Variants in CADM2 observed in about 807,000 individuals in gnomAD.
CADM2 encodes immunoglobulin superfamily member 4D.
CADM2 carries 12 observed loss-of-function variants against 49.8 expected under a neutral mutation model. The observed-to-expected ratio is 0.24, with a 90% CI of 0.15 to 0.39. The LOEUF is 0.39. CADM2 is among the 10% of genes least tolerant of loss of function. The probability of loss-of-function intolerance (pLI) is 1.00; values close to 1 mark genes in which losing one functional copy is unlikely to be tolerated. For synonymous variants in CADM2, 214 were observed against 175.4 expected (o/e 1.22, Z -1.74); for missense variants, 378 against 492.3 (o/e 0.77, Z 2.20).
At chr3:85,571,409 GT>G (rs569833454) in intron 1 of CADM2, among the ~76,000 whole-genome samples, 45 of 148,742 alleles carry the variant, frequency 3.0e-4, no homozygotes, top group African/African-American at 9.9e-4. Flanking sequence ...TTGTCCAGAT[GT>G]TTTTTTTTTC....
At chr3:85,128,250 C>T (rs548740433) in intron 1 of CADM2, among the ~76,000 whole-genome samples, 1 of 152,200 alleles carries the variant, frequency 6.6e-6, no homozygotes, top group South Asian at 2.1e-4. Flanking sequence ...TCAGCTGCGC[C>T]CAGGAACATG....
chr3:85,269,201 A>C (rs1170295068), intron 1 of CADM2, among the ~76,000 whole-genome samples: 1 of 151,450 alleles, frequency 6.6e-6, no homozygotes, highest in Non-Finnish European at 1.5e-5. Flanking sequence ...TTCTAATAAT[A>C]AAAAATAATT....
intron 1 of CADM2, among the ~76,000 whole-genome samples, chr3:85,134,394 C>T (rs1023125233): frequency 1.3e-5 from 2 of 152,360 alleles, no homozygotes; most frequent in African/African-American, 2.4e-5. Flanking sequence ...GAGCGAGGGC[C>T]GTGGGGACTG....
intron 1 of CADM2, among the ~76,000 whole-genome samples, chr3:85,004,295 C>T (rs1221789331): frequency 6.6e-6 from 1 of 152,108 alleles, no homozygotes; most frequent in Non-Finnish European, 1.5e-5. Flanking sequence ...TTCTACACAT[C>T]TGTTCGAGTA....
At chr3:85,649,342 TTAAA>T (rs2064979096) in intron 1 of CADM2, among the ~76,000 whole-genome samples, 1 of 152,168 alleles carries the variant, frequency 6.6e-6, no homozygotes, top group Non-Finnish European at 1.5e-5. Context: ...AGGACATCAC[TTAAA>T]TTAATTATTT....
chr3:85,550,982 AT>A (rs1196786296), intron 1 of CADM2, among the ~76,000 whole-genome samples: 1 of 151,320 alleles, frequency 6.6e-6, no homozygotes, highest in Non-Finnish European at 1.5e-5. Flanking sequence ...TTGTTTGTTT[AT>A]TTATTTATTT....
intron 1 of CADM2, among the ~76,000 whole-genome samples, chr3:85,129,851 A>G (rs2039166124): frequency 6.6e-6 from 1 of 152,236 alleles, no homozygotes; most frequent in African/African-American, 2.4e-5. Flanking sequence ...TTTGTACTAT[A>G]ACACACTGAC....
intron 1 of CADM2, among the ~76,000 whole-genome samples, chr3:85,347,652 T>TA (rs56135124): frequency 0.012 from 731 of 58,602 alleles, 8 homozygotes; most frequent in South Asian, 0.05. Context: ...TATATATATA[T>TA]TTTTTTTAAG....
chr3:85,022,264 A>G (rs2034542794), intron 1 of CADM2, among the ~76,000 whole-genome samples: 1 of 152,216 alleles, frequency 6.6e-6, no homozygotes. Context: ...TTTGGTCTTT[A>G]TCACATATTT....
chr3:85,486,394 T>A (rs1218418060), intron 1 of CADM2, among the ~76,000 whole-genome samples: 1 of 152,164 alleles, frequency 6.6e-6, no homozygotes, highest in African/African-American at 2.4e-5. Flanking sequence ...TTTACATAAA[T>A]ATGCTGGATT....
chr3:85,912,021 G>A (rs951033862), intron 5 of CADM2, among the ~76,000 whole-genome samples: 7 of 151,060 alleles, frequency 4.6e-5, no homozygotes, highest in African/African-American at 1.7e-4. Context: ...TGCTCACTCT[G>A]CAAGCTCTGC....
chr3:85,082,298 A>G (rs1243568835), intron 1 of CADM2, among the ~76,000 whole-genome samples: 1 of 152,186 alleles, frequency 6.6e-6, no homozygotes, highest in African/African-American at 2.4e-5. Flanking sequence ...GGACCTTATT[A>G]CATATTATGT....
intron 1 of CADM2, among the ~76,000 whole-genome samples, chr3:85,397,440 G>A (rs1393172469): frequency 6.6e-6 from 1 of 152,124 alleles, no homozygotes; most frequent in African/African-American, 2.4e-5. Context: ...TATGTTCATA[G>A]CAGGATTGTT....
At chr3:85,839,304 G>A (rs1159292283) in intron 3 of CADM2, among the ~76,000 whole-genome samples, 3 of 151,652 alleles carry the variant, frequency 2.0e-5, no homozygotes, top group Non-Finnish European at 2.9e-5. Flanking sequence ...TCTCTAGTCT[G>A]TTAAAGATGA....
chr3:85,745,388 T>C (rs777084722), intron 2 of CADM2, among the ~76,000 whole-genome samples: 6 of 152,158 alleles, frequency 3.9e-5, no homozygotes, highest in Admixed American at 6.5e-5. Flanking sequence ...ATAAGTGTTG[T>C]TGAACTTTTC....
At position 86,001,907 on chromosome 3, in the gene CADM2, A is replaced by C. The variant is rs189385124; in HGVS notation, c.970+40260A>C. Among the ~76,000 whole-genome samples the C allele has an allele frequency of 2.0e-3, 307 of 152,236 alleles. 1 individual carries two copies. Among genetic ancestry groups the C allele is most frequent in the African/African-American group, 6.5e-3 (271 of 41,566 alleles). ...GTATAGATGTCTCTTTCATTTGGAT[A>C]CTGGAATTTCCCAGGGTCATTATGG... On this transcript the variant is annotated intron_variant, in intron 8 of 9. Transcript: ENST00000383699.
At chr3:85,793,983 A>T (rs2071482483) in intron 2 of CADM2, among the ~76,000 whole-genome samples, 1 of 152,188 alleles carries the variant, frequency 6.6e-6, no homozygotes, top group Admixed American at 6.5e-5. Flanking sequence ...AATGTTAATT[A>T]TATGCCTATT....
chr3:85,841,831 C>A (rs1025673359), intron 3 of CADM2, among the ~76,000 whole-genome samples: 4 of 151,870 alleles, frequency 2.6e-5, no homozygotes, highest in Non-Finnish European at 5.9e-5. Context: ...TTTATCATAT[C>A]TTTCTGTGAC....
At chr3:86,026,562 A>T (rs77069694) in intron 8 of CADM2, among the ~76,000 whole-genome samples, 5 of 152,096 alleles carry the variant, frequency 3.3e-5, no homozygotes, top group African/African-American at 1.2e-4. Context: ...TTTACTGGTC[A>T]TACTATGCTT....
Sources: gnomAD v4.1 joint callset for allele counts (sites outside exome capture counted in the v4.1 genomes callset) on GRCh38, gnomAD v4.1.1 for gene constraint, MANE v1.5 for transcripts, NCBI Gene and HGNC (gene_info 2026-07-23, HGNC 2026-07-21) for gene names.